The following CBR1 variants were observed in gnomAD, a reference collection of about 807,000 sequenced individuals.
The protein encoded by CBR1 is carbonyl reductase [NADPH] 1.
Under a neutral mutation model 10.6 loss-of-function variants are expected in CBR1, and 11 were observed. The observed-to-expected ratio is 1.03, with a 90% confidence interval of 0.65 to 1.71. The LOEUF is 1.71. Among genes scored for constraint, CBR1 ranks in the 40% most tolerant of loss-of-function variants. The pLI is 0.00. For missense variants in CBR1, 361 were observed against 368.6 expected (o/e 0.98, Z 0.17); for synonymous variants, 158 against 156.7 (o/e 1.01, Z -0.06).
At chr21:36,072,246 T>G (rs942544314) in intron 2 of CBR1, 200 bp from the exon 3 acceptor site, 5 of 1,550,588 alleles carry the variant, frequency 3.2e-6, no homozygotes, top group South Asian at 1.2e-5. Flanking sequence ...CTGACTCTAC[T>G]CAGCCAAAAT....
At chr21:36,072,314 C>T in intron 2 of CBR1, 132 bp from the exon 3 acceptor site, 2 of 1,572,364 alleles carry the variant, frequency 1.3e-6, no homozygotes, top group Non-Finnish European at 1.7e-6. Flanking sequence ...ATGCGTATTC[C>T]TCTTAGAACT....
rs1286852042 is a variant in CBR1, at chr21:36,073,109, A to G, written c.*227A>G. ...CTGATGCAGGAGAGGAAAAATTGTA[A>G]TTGATGAAAATAATGAATGAAAATC... On this transcript the variant is annotated 3_prime_UTR_variant, in exon 3 of 3. Coordinates refer to ENST00000290349, the MANE Select transcript of CBR1 (RefSeq NM_001757.4). 4.7e-6 allele frequency: 2 copies of G among 429,736 alleles called. No homozygotes were observed. Among genetic ancestry groups the G allele is most frequent in the African/African-American group, 4.0e-5 (2 of 49,742 alleles). The allele number at this position is 429,736 out of a possible 1,614,324, so 26.6% of individuals were successfully genotyped here.
rs2123833978 is a variant in CBR1, at chr21:36,070,078, T to A, written c.-38T>A. 6.8e-7 allele frequency: 1 copy of A among 1,464,396 alleles called. No individual in the cohort carries two copies. The highest frequency in any genetic ancestry group is 2.5e-5 in the East Asian group (1 of 39,794). 90.7% of individuals were successfully genotyped at this position (1,464,396 alleles called of 1,614,324 possible). ...GGGGCTCCCGGGCCTGAGCCAGGTC[T>A]GTTCTCCACGCAGGTGTTCCGCGCG... On this transcript the variant is annotated 5_prime_UTR_variant, in exon 1 of 3. Coordinates refer to ENST00000290349, the MANE Select transcript of CBR1 (RefSeq NM_001757.4).
rs759118392 is a variant in CBR1, at chr21:36,071,823, G to T, written c.398-623G>T. The T allele has an allele frequency of 4.6e-6, 7 of 1,534,980 alleles. No individual in the cohort carries two copies. The East Asian group carries it at 1.7e-4, about 38-fold the overall frequency. On this transcript the variant is annotated intron_variant, in intron 2 of 2. Coordinates refer to ENST00000290349, the MANE Select transcript of CBR1 (RefSeq NM_001757.4). ...CTCTTTTCCTTTCCCAGCATCCTGC[G>T]TACTGTCTGCATGGTCATGCCTCTC...
At chr21:36,072,295 A>C in intron 2 of CBR1, 151 bp from the exon 3 acceptor site, 13 of 1,556,518 alleles carry the variant, frequency 8.4e-6, no homozygotes, top group Non-Finnish European at 1.1e-5. Context: ...AACTACCACC[A>C]CACTTTCTAT....
chr21:36,072,056 A>G, intron 2 of CBR1: 2 of 1,491,598 alleles, frequency 1.3e-6, no homozygotes, highest in Non-Finnish European at 1.8e-6. Context: ...ATTAAATAAC[A>G]CAGCAATTAA....
At chr21:36,071,215 C>T (rs1472983983) in intron 2 of CBR1, 158 bp downstream of exon 2, 3 of 712,284 alleles carry the variant, frequency 4.2e-6, no homozygotes, top group Non-Finnish European at 7.7e-6. Flanking sequence ...CATTTTGCCT[C>T]AGGACTTTGT....
Position 36,070,935 on chromosome 21 carries a change from T to C in CBR1, c.290-15T>C. On this transcript the variant is annotated splice_polypyrimidine_tract_variant and intron_variant, in intron 1 of 2. Transcript: ENST00000290349. Reference sequence around the variant, plus strand: ...GGTACAATGTATTAACTATGTTCTCTTTCTCTCCTAAAAGTTGCTGATCCC... The same window carrying C: ...GGTACAATGTATTAACTATGTTCTCCTTCTCTCCTAAAAGTTGCTGATCCC... The C allele has an allele frequency of 9.1e-6, 14 of 1,544,250 alleles. No homozygotes were observed. The highest frequency in any genetic ancestry group is 1.3e-5 in the Non-Finnish European group (14 of 1,116,818).
intron 1 of CBR1, 137 bp from the exon 2 acceptor site, chr21:36,070,813 T>C: frequency 1.6e-6 from 1 of 625,478 alleles, no homozygotes; most frequent in Non-Finnish European, 2.8e-6. Flanking sequence ...GGCACAATAC[T>C]GTAACCAGAT....
chr21:36,072,389 A>G, intron 2 of CBR1, 57 bp from the exon 3 acceptor site: 2 of 1,613,612 alleles, frequency 1.2e-6, no homozygotes, highest in East Asian at 2.2e-5. Flanking sequence ...TTTGGCATTC[A>G]CCTCTCTACG....
chr21:36,070,878 T>TTTTAGTATCA, intron 1 of CBR1, 72 bp from the exon 2 acceptor site: 2 of 901,768 alleles, frequency 2.2e-6, no homozygotes, highest in South Asian at 1.7e-5. Context: ...TTTTTTTTTT[T>TTTTAGTATCA]TTAGTATCAT....
chr21:36,070,832 A>C, intron 1 of CBR1, 118 bp from the exon 2 acceptor site: 1 of 640,188 alleles, frequency 1.6e-6, no homozygotes, highest in Non-Finnish European at 2.7e-6. Flanking sequence ...ATACAGACTT[A>C]CTTTAGGCAG....
intron 2 of CBR1, chr21:36,072,240 C>G: frequency 6.4e-7 from 1 of 1,550,682 alleles, no homozygotes; most frequent in Non-Finnish European, 8.7e-7. Context: ...TCTCACCTGA[C>G]TCTACTCAGC....
chr21:36,071,845 T>G, intron 2 of CBR1: 1 of 1,535,928 alleles, frequency 6.5e-7, no homozygotes, highest in East Asian at 2.4e-5. Context: ...TGGTCATGCC[T>G]CTCCCAAAAT....
chr21:36,070,853 G>GTTTTTGTTT (rs1568956922), intron 1 of CBR1, 97 bp from the exon 2 acceptor site: 10 of 509,406 alleles, frequency 2.0e-5, no homozygotes, highest in Non-Finnish European at 2.8e-5. Context: ...AGGGCACTAA[G>GTTTTTGTTT]TTTTTTTTTT....
At position 36,072,983 on chromosome 21, in the gene CBR1, A is replaced by T. The variant is rs1601323971; in HGVS notation, c.*101A>T. 1 of 778,778 alleles carries T rather than the reference A, an allele frequency of 1.3e-6. No individual in the cohort carries two copies. The highest frequency in any genetic ancestry group is 2.6e-5 in the East Asian group (1 of 37,906). 48.2% of individuals were successfully genotyped at this position (778,778 alleles called of 1,614,324 possible). On this transcript the variant is annotated 3_prime_UTR_variant, in exon 3 of 3. Coordinates refer to ENST00000290349, the MANE Select transcript of CBR1 (RefSeq NM_001757.4). Reference sequence around the variant, plus strand: ...CATAAATATCCTTATATAAGAAAAAAAATGATCTCTTATCAATTAGCACTC... The same window carrying T: ...CATAAATATCCTTATATAAGAAAAATAATGATCTCTTATCAATTAGCACTC...
Position 36,072,163 on chromosome 21 carries a change from G to A in CBR1, c.398-283G>A, listed in dbSNP as rs184806783. The A allele has an allele frequency of 5.9e-5, 92 of 1,547,854 alleles. No individual in the cohort carries two copies. In the African/African-American group the frequency reaches 8.9e-4, roughly 15 times the overall value. On this transcript the variant is annotated intron_variant, in intron 2 of 2. Coordinates refer to ENST00000290349, the MANE Select transcript of CBR1 (RefSeq NM_001757.4). The stretch of plus-strand genomic sequence containing the variant: ...TTTTATCCTGTTTCCCTGTCCTGTC[G>A]TCCTGTTAAGTTGTGCTACTTCTAA...
rs754001791 is a variant in CBR1 at position 36,072,761 on chromosome 21, C to G, written c.713C>G (p.Pro238Arg). The G allele has an allele frequency of 6.8e-6, 11 of 1,614,054 alleles. No individual in the cohort carries two copies. The highest frequency in any genetic ancestry group is 8.5e-6 in the Non-Finnish European group (10 of 1,180,010). ...TGGGTGAGAACTGACATGGCGGGAC[C>G]CAAGGCCACCAAGAGCCCAGAAGAA... Reference protein sequence around the residue: ...PGWVRTDMAGPKATKSPEEGA... With the variant: ...PGWVRTDMAGRKATKSPEEGA... Residue 238 changes from proline to arginine, a missense_variant, in exon 3 of 3, where the codon CCC becomes CGC. Physicochemically the swap from Pro to Arg is moderately radical, Grantham distance 103 (BLOSUM62 -2). Transcript: ENST00000290349.
Position 36,071,058 on chromosome 21 carries a change from G to A in CBR1, c.397+1G>A. 6.3e-7 allele frequency: 1 copy of A among 1,596,400 alleles called. No homozygotes were observed. The highest frequency in any genetic ancestry group is 8.6e-7 in the Non-Finnish European group (1 of 1,163,910). Reference sequence around the variant, plus strand: ...TTACTCCCTCTAATAAAACCCCAAGGTGAGTCTGATGGGAAACAGCGCACC... The same window carrying A: ...TTACTCCCTCTAATAAAACCCCAAGATGAGTCTGATGGGAAACAGCGCACC... On this transcript the variant is annotated splice_donor_variant, in intron 2 of 2. Transcript: ENST00000290349. LOFTEE classifies it high-confidence loss of function.
Sources: allele counts gnomAD v4.1 joint callset, GRCh38; gene constraint gnomAD v4.1.1; transcripts MANE v1.5; gene names NCBI Gene and HGNC (gene_info 2026-07-23, HGNC 2026-07-21).